Variants in SEZ6L observed in about 807,000 individuals in gnomAD.
SEZ6L encodes seizure related 6 homolog like, also known as seizure 6-like protein.
Under a neutral mutation model 106.2 loss-of-function variants are expected in SEZ6L, and 37 were observed. That is an observed-to-expected ratio of 0.35 (90% CI 0.27 to 0.46). SEZ6L has a LOEUF of 0.46. SEZ6L is among the 20% of genes least tolerant of loss of function. The pLI is 1.00. For missense variants in SEZ6L, 1,172 were observed against 1,332.8 expected, an observed-to-expected ratio of 0.88 and a Z score of 1.88; for synonymous variants, 541 against 570.4, an observed-to-expected ratio of 0.95 and a Z score of 0.73.
At chr22:26,254,757 G>T (rs181628615) in intron 1 of SEZ6L, among the ~76,000 whole-genome samples, 1 of 152,266 alleles carries the variant, frequency 6.6e-6, no homozygotes, top group Admixed American at 6.5e-5. Context: ...CTGTCCTACT[G>T]GGGGGCTTCA....
intron 9 of SEZ6L, among the ~76,000 whole-genome samples, chr22:26,339,242 CA>C (rs970971148): frequency 2.0e-5 from 3 of 150,388 alleles, no homozygotes; most frequent in Non-Finnish European, 4.4e-5. Flanking sequence ...AGTAGATGCT[CA>C]AAAAAACAAA....
intron 1 of SEZ6L, among the ~76,000 whole-genome samples, chr22:26,231,997 C>G (rs538217242): frequency 2.0e-5 from 3 of 152,160 alleles, no homozygotes; most frequent in Non-Finnish European, 4.4e-5. Context: ...CCATGGGGCA[C>G]TGCAACAGAC....
intron 1 of SEZ6L, among the ~76,000 whole-genome samples, chr22:26,200,332 C>T (rs932967388): frequency 6.6e-6 from 1 of 152,082 alleles, no homozygotes; most frequent in Non-Finnish European, 1.5e-5. Context: ...ATGATCCATC[C>T]TTTCAGTAAT....
chr22:26,286,182 G>T (rs2080928361), intron 1 of SEZ6L, among the ~76,000 whole-genome samples: 3 of 152,194 alleles, frequency 2.0e-5, no homozygotes, highest in African/African-American at 7.2e-5. Flanking sequence ...GGTAGTTACT[G>T]TAAATAGTGC....
At chr22:26,347,334 C>G (rs2083041188) in intron 10 of SEZ6L, among the ~76,000 whole-genome samples, 1 of 152,064 alleles carries the variant, frequency 6.6e-6, no homozygotes, top group Admixed American at 6.6e-5. Flanking sequence ...CCAGTGACAT[C>G]TGGTAAGCAG....
chr22:26,298,262 C>G (rs540273531), intron 4 of SEZ6L, among the ~76,000 whole-genome samples: 2 of 152,282 alleles, frequency 1.3e-5, no homozygotes, highest in Admixed American at 1.3e-4. Flanking sequence ...TAAAGATATT[C>G]TGTGCTGCAG....
At chr22:26,261,434 T>G (rs1210019117) in intron 1 of SEZ6L, among the ~76,000 whole-genome samples, 1 of 152,240 alleles carries the variant, frequency 6.6e-6, no homozygotes, top group Non-Finnish European at 1.5e-5. Context: ...GGATCCAGTT[T>G]CATTCTCCTA....
At chr22:26,191,712 C>A (rs368817137) in intron 1 of SEZ6L, among the ~76,000 whole-genome samples, 1 of 152,130 alleles carries the variant, frequency 6.6e-6, no homozygotes, top group African/African-American at 2.4e-5. Flanking sequence ...ATGTAACAAA[C>A]CTGTACATCC....
At chr22:26,234,307 A>C (rs1482885963) in intron 1 of SEZ6L, among the ~76,000 whole-genome samples, 1 of 152,226 alleles carries the variant, frequency 6.6e-6, no homozygotes, top group Non-Finnish European at 1.5e-5. Flanking sequence ...TCTTGGCTCC[A>C]GCTAGGCTGG....
intron 9 of SEZ6L, 83 bp downstream of exon 9, chr22:26,313,985 A>G: frequency 7.2e-7 from 1 of 1,384,462 alleles, no homozygotes; most frequent in Non-Finnish European, 1.0e-6. Context: ...TATTCTTTCA[A>G]CCAATATTAA....
Position 26,375,777 on chromosome 22 carries a change from G to T in SEZ6L, c.2942+88G>T. 6 of 916,808 alleles carry T rather than the reference G, an allele frequency of 6.5e-6. No homozygotes were observed. In the South Asian group the frequency reaches 8.3e-5, roughly 13 times the overall value. 56.8% of individuals were successfully genotyped at this position (916,808 alleles called of 1,614,324 possible). A position where few individuals can be genotyped will look rare whatever the true frequency, so the allele number is the denominator to read the frequency against. ...GCGGTTCACCTCTCTGAGCCTCAGG[G>T]TCTCCACCTGGAGCTCGGGCATAGT... On this transcript the variant is annotated intron_variant, in intron 15 of 16. Transcript: ENST00000248933.
At chr22:26,334,954 G>A (rs985709634) in intron 9 of SEZ6L, among the ~76,000 whole-genome samples, 15 of 152,218 alleles carry the variant, frequency 9.9e-5, no homozygotes, top group African/African-American at 2.6e-4. Flanking sequence ...CTGCCATCCC[G>A]TTTTCCTAGC....
intron 12 of SEZ6L, chr22:26,351,494 A>T: frequency 2.2e-6 from 1 of 456,622 alleles, no homozygotes; most frequent in Non-Finnish European, 3.8e-6. Flanking sequence ...TAGCCCTGGG[A>T]GCATAGTATA....
intron 1 of SEZ6L, among the ~76,000 whole-genome samples, chr22:26,207,223 A>G (rs906119768): frequency 1.3e-5 from 2 of 152,208 alleles, no homozygotes; most frequent in East Asian, 3.8e-4. Context: ...AGAAGGCACC[A>G]CAGTATTCCA....
At chr22:26,366,004 T>C (rs930991636) in intron 13 of SEZ6L, among the ~76,000 whole-genome samples, 8 of 152,210 alleles carry the variant, frequency 5.3e-5, no homozygotes, top group Non-Finnish European at 1.0e-4. Flanking sequence ...ACACAATGTC[T>C]TCTCCTGGCT....
At chr22:26,340,359 C>A in intron 9 of SEZ6L, 77 bp from the exon 10 acceptor site, 3 of 1,389,102 alleles carry the variant, frequency 2.2e-6, no homozygotes, top group Non-Finnish European at 2.9e-6. Context: ...TTTGTATTGC[C>A]TGAAAAAGTT....
At chr22:26,264,517 A>T (rs1400022598) in intron 1 of SEZ6L, among the ~76,000 whole-genome samples, 1 of 152,230 alleles carries the variant, frequency 6.6e-6, no homozygotes, top group Non-Finnish European at 1.5e-5. Context: ...ACCTTTTTAA[A>T]GTTTACCTAT....
chr22:26,373,375 A>G lies in SEZ6L; in HGVS notation c.2795-76A>G, dbSNP rs373217939. On this transcript the variant is annotated intron_variant, in intron 13 of 16. Coordinates refer to ENST00000248933, the MANE Select transcript of SEZ6L (RefSeq NM_021115.5). ...AAGCATGGCATGGGCTTTTGCATCAAATTTTTTGGCCTCATTTCATGCAAA... is the reference window on the plus strand; with the variant it reads ...AAGCATGGCATGGGCTTTTGCATCAGATTTTTTGGCCTCATTTCATGCAAA... The G allele has an allele frequency of 6.0e-6, 8 of 1,340,628 alleles. No homozygotes were observed. The Admixed American group carries it at 1.3e-4, about 22-fold the overall frequency. The allele number at this position is 1,340,628 out of a possible 1,614,324, so 83.0% of individuals were successfully genotyped here.
chr22:26,300,602 C>T (rs2081425360), intron 5 of SEZ6L, among the ~76,000 whole-genome samples: 1 of 152,158 alleles, frequency 6.6e-6, no homozygotes, highest in Non-Finnish European at 1.5e-5. Context: ...GTGAATAGTG[C>T]TGCAGTAAAC....
Sources: allele counts gnomAD v4.1 joint callset (sites outside exome capture counted in the v4.1 genomes callset), GRCh38; gene constraint gnomAD v4.1.1; transcripts MANE v1.5; gene names NCBI Gene and HGNC (gene_info 2026-07-23, HGNC 2026-07-21).